The following SPOCK1 variants were observed in gnomAD, a reference collection of about 807,000 sequenced individuals.
SPOCK1 encodes SPARC (osteonectin), cwcv and kazal like domains proteoglycan 1, also known as testican-1.
In SPOCK1, 23 loss-of-function variants were observed where a neutral mutation model predicts 55.3. The ratio of observed to expected loss-of-function variants is 0.42; its 90% CI spans 0.30 to 0.59. The LOEUF is 0.59. Among genes scored for constraint, SPOCK1 ranks in the 20% least tolerant of loss-of-function variants. SPOCK1 has a pLI of 0.22. For missense variants in SPOCK1, 499 were observed against 552.5 expected, an observed-to-expected ratio of 0.90 and a Z score of 0.97; for synonymous variants, 226 against 221.0, an observed-to-expected ratio of 1.02 and a Z score of -0.20.
At chr5:137,243,745 T>G (rs1756337085) in intron 3 of SPOCK1, among the ~76,000 whole-genome samples, 1 of 152,194 alleles carries the variant, frequency 6.6e-6, no homozygotes, top group Admixed American at 6.5e-5. Flanking sequence ...TTATTATGAC[T>G]GAACATGGCT....
chr5:137,080,585 C>T lies in SPOCK1; in HGVS notation c.475-12756G>A, dbSNP rs563014653. On this transcript the variant is annotated intron_variant, in intron 5 of 10. Coordinates refer to ENST00000394945, the MANE Select transcript of SPOCK1 (RefSeq NM_004598.4). ...TGATCTCACTGAAACAAGGGCTCCACCAGGGGTGGAGATCTTGGTCTTTTC... is the reference window on the plus strand; with the variant it reads ...TGATCTCACTGAAACAAGGGCTCCATCAGGGGTGGAGATCTTGGTCTTTTC... 5.9e-5 allele frequency among the ~76,000 whole-genome samples: 9 copies of T among 152,244 alleles called. No individual in the cohort carries two copies. In the South Asian group the frequency reaches 1.0e-3, roughly 18 times the overall value.
intron 2 of SPOCK1, among the ~76,000 whole-genome samples, chr5:137,404,893 G>A (rs1045168223): frequency 1.1e-4 from 16 of 152,072 alleles, no homozygotes; most frequent in East Asian, 3.9e-4. Context: ...ACAAAGTTAC[G>A]TTTCCAGGTG....
At chr5:137,315,540 GA>G (rs1333689445) in intron 2 of SPOCK1, among the ~76,000 whole-genome samples, 1 of 152,216 alleles carries the variant, frequency 6.6e-6, no homozygotes, top group Non-Finnish European at 1.5e-5. Context: ...TTACACAGGA[GA>G]GAAAGGAGAC....
Position 137,187,889 on chromosome 5 carries a change from T to C in SPOCK1, c.233-47195A>G, listed in dbSNP as rs191532183. On this transcript the variant is annotated intron_variant, in intron 3 of 10. Transcript: ENST00000394945. ...AGTGGTGTTCTGACACATGGAAGGGTTATGATCCATTATGAGATAGCCAAG... is the reference window on the plus strand; with the variant it reads ...AGTGGTGTTCTGACACATGGAAGGGCTATGATCCATTATGAGATAGCCAAG... 3.9e-4 allele frequency among the ~76,000 whole-genome samples: 59 copies of C among 152,302 alleles called. 1 individual carries two copies. The highest frequency in any genetic ancestry group is 2.9e-3 in the Admixed American group (44 of 15,296).
At chr5:137,159,529 C>T (rs1754485542) in intron 3 of SPOCK1, among the ~76,000 whole-genome samples, 1 of 147,646 alleles carries the variant, frequency 6.8e-6, no homozygotes, top group Non-Finnish European at 1.5e-5. Context: ...TCCAACATAT[C>T]ACTCTTTATG....
intron 3 of SPOCK1, among the ~76,000 whole-genome samples, chr5:137,146,516 T>G (rs1194864325): frequency 6.6e-6 from 1 of 152,152 alleles, no homozygotes; most frequent in Non-Finnish European, 1.5e-5. Context: ...ACACTCCCAG[T>G]GATTCATTAG....
chr5:137,084,954 C>CAAAA (rs10568473), intron 5 of SPOCK1, among the ~76,000 whole-genome samples: 2,049 of 114,066 alleles, frequency 0.018, 70 homozygotes, highest in East Asian at 0.092. Flanking sequence ...TTATACAAAG[C>CAAAA]AAAAAAAAAA....
chr5:137,270,056 G>A lies in SPOCK1; in HGVS notation c.187-3001C>T, dbSNP rs77952638. Among the ~76,000 whole-genome samples the A allele has an allele frequency of 3.1e-4, 47 of 152,244 alleles. No homozygotes were observed. In the East Asian group the frequency reaches 7.3e-3, roughly 24 times the overall value. On this transcript the variant is annotated intron_variant, in intron 2 of 10. Transcript: ENST00000394945. Reference sequence around the variant, plus strand: ...CCCTGGGAAGTAGTGTGTCTGCCCCGGCACGATCCCAGTGCTGTGTGGGCC... The same window carrying A: ...CCCTGGGAAGTAGTGTGTCTGCCCCAGCACGATCCCAGTGCTGTGTGGGCC...
At chr5:137,151,237 C>A (rs1204004217) in intron 3 of SPOCK1, among the ~76,000 whole-genome samples, 1 of 152,124 alleles carries the variant, frequency 6.6e-6, no homozygotes, top group African/African-American at 2.4e-5. Flanking sequence ...AAGCAGTCCA[C>A]CTATCTCAGT....
chr5:136,984,815 C>T (rs1045437065), intron 9 of SPOCK1, among the ~76,000 whole-genome samples: 1 of 152,158 alleles, frequency 6.6e-6, no homozygotes, highest in African/African-American at 2.4e-5. Flanking sequence ...AGTTTGAGCA[C>T]TTGAGAGCAC....
At chr5:137,474,026 T>A (rs983372024) in intron 2 of SPOCK1, among the ~76,000 whole-genome samples, 1 of 152,170 alleles carries the variant, frequency 6.6e-6, no homozygotes, top group Non-Finnish European at 1.5e-5. Flanking sequence ...CACTGATATG[T>A]GGGAGCTAAG....
At chr5:137,338,943 C>T (rs1319103961) in intron 2 of SPOCK1, among the ~76,000 whole-genome samples, 1 of 152,156 alleles carries the variant, frequency 6.6e-6, no homozygotes, top group East Asian at 1.9e-4. Flanking sequence ...ACTGTCAATG[C>T]CTGACATGTG....
chr5:137,324,327 C>T (rs2127148321), intron 2 of SPOCK1, among the ~76,000 whole-genome samples: 1 of 152,132 alleles, frequency 6.6e-6, no homozygotes, highest in South Asian at 2.1e-4. Context: ...TGCCAATAAT[C>T]CTGTCTACTT....
At chr5:137,362,939 G>C (rs1235398) in intron 2 of SPOCK1, among the ~76,000 whole-genome samples, 32,437 of 152,040 alleles carry the variant, frequency 0.21, 3,544 homozygotes, top group South Asian at 0.27. Flanking sequence ...CACTTGCCAG[G>C]CTATACTGTC....
At chr5:137,425,862 A>G (rs939598670) in intron 2 of SPOCK1, among the ~76,000 whole-genome samples, 1 of 152,106 alleles carries the variant, frequency 6.6e-6, no homozygotes, top group Non-Finnish European at 1.5e-5. Context: ...GTTTAAAAAG[A>G]CATTTCCTAC....
chr5:137,294,026 T>C (rs1209126526), intron 2 of SPOCK1, among the ~76,000 whole-genome samples: 3 of 152,278 alleles, frequency 2.0e-5, no homozygotes, highest in South Asian at 4.2e-4. Flanking sequence ...AAAGTGGTGC[T>C]GGAAATGGTC....
At chr5:137,102,658 T>C (rs1339678504) in intron 5 of SPOCK1, among the ~76,000 whole-genome samples, 1 of 152,216 alleles carries the variant, frequency 6.6e-6, no homozygotes, top group Admixed American at 6.5e-5. Context: ...GAAGTAAAAA[T>C]TGCAGCTCTT....
chr5:137,055,435 C>A (rs1042800548), intron 6 of SPOCK1, among the ~76,000 whole-genome samples: 4 of 152,176 alleles, frequency 2.6e-5, no homozygotes, highest in African/African-American at 9.7e-5. Flanking sequence ...CCTTGAGAAG[C>A]AAGGTACACG....
intron 2 of SPOCK1, among the ~76,000 whole-genome samples, chr5:137,371,376 G>T (rs1751199311): frequency 6.6e-6 from 1 of 152,156 alleles, no homozygotes; most frequent in African/African-American, 2.4e-5. Context: ...ATAGTGCTAG[G>T]CATATGGTAA....
Sources: allele counts gnomAD v4.1 joint callset (sites outside exome capture counted in the v4.1 genomes callset), GRCh38; gene constraint gnomAD v4.1.1; transcripts MANE v1.5; gene names NCBI Gene and HGNC (gene_info 2026-07-23, HGNC 2026-07-21).